Variants in ZZEF1 observed in about 807,000 individuals in gnomAD.
ZZEF1 encodes zinc finger ZZ-type and EF-hand domain-containing protein 1.
In ZZEF1, 157 loss-of-function variants were observed where a neutral mutation model predicts 342.8. That is an observed-to-expected ratio of 0.46 (90% CI 0.40 to 0.52). The LOEUF is 0.52. Among genes scored for constraint, ZZEF1 ranks in the 20% least tolerant of loss-of-function variants. ZZEF1 has a pLI of 0.00. For synonymous variants in ZZEF1, 1,505 were observed against 1,429.1 expected (o/e 1.05, Z -1.20); for missense variants, 3,480 against 3,725.6 (o/e 0.93, Z 1.72).
chr17:4,127,755 A>G (rs973803532), intron 1 of ZZEF1, among the ~76,000 whole-genome samples: 7 of 152,184 alleles, frequency 4.6e-5, no homozygotes, highest in African/African-American at 9.7e-5. Context: ...GTAAGACTCA[A>G]TCTTCCCCCA....
chr17:4,013,039 C>T (rs1422555367), intron 52 of ZZEF1, among the ~76,000 whole-genome samples: 1 of 149,022 alleles, frequency 6.7e-6, no homozygotes, highest in Non-Finnish European at 1.5e-5. Flanking sequence ...AATTGATCTA[C>T]AGTCGCACCA....
At position 4,052,117 on chromosome 17, in the gene ZZEF1, G is replaced by T; in HGVS notation, c.5454C>A (p.Gly1818=). 6.2e-7 allele frequency: 1 copy of T among 1,613,268 alleles called. No homozygotes were observed. Among genetic ancestry groups the T allele is most frequent in the South Asian group, 1.1e-5 (1 of 90,978 alleles). ...TCFLGGVKPE[G]HGDDHEMVNM... ...TGACCATTTCATGGTCGTCTCCGTG[G>T]CCCTCAGGCTTCACCCCACCTGAGG... The change falls in exon 35 of 55, where the codon GGC becomes GGA. Residue 1818 remains glycine, a synonymous_variant. Transcript: ENST00000381638.
chr17:4,060,488 G>A (rs991021297), intron 30 of ZZEF1, among the ~76,000 whole-genome samples: 8 of 152,172 alleles, frequency 5.3e-5, no homozygotes, highest in South Asian at 4.2e-4. Context: ...GACGGAGGCC[G>A]CAGTGAGCCG....
chr17:4,023,102 T>C (rs1312673068), intron 43 of ZZEF1, among the ~76,000 whole-genome samples: 1 of 152,164 alleles, frequency 6.6e-6, no homozygotes. Flanking sequence ...TCCTGCATTA[T>C]TCTAAAGCCT....
At position 4,014,640 on chromosome 17, in the gene ZZEF1, C is replaced by A; in HGVS notation, c.8146-125G>T. 1.0e-6 allele frequency: 1 copy of A among 1,002,550 alleles called. No individual in the cohort carries two copies. 62.1% of individuals were successfully genotyped at this position (1,002,550 alleles called of 1,614,324 possible). A position where few individuals can be genotyped will look rare whatever the true frequency, so the allele number is the denominator to read the frequency against. The stretch of plus-strand genomic sequence containing the variant: ...AGAATGAGTGAACCACAGCCCTGGC[C>A]TCCAGGAGTGCAGAGTCCAGCTAGG... On this transcript the variant is annotated intron_variant, in intron 49 of 54. Coordinates refer to ENST00000381638, the MANE Select transcript of ZZEF1 (RefSeq NM_015113.4). This position sits in a 1 kb window ranked among gnomAD's most constrained non-coding sequence, Gnocchi z 4.4.
chr17:4,054,107 T>C lies in ZZEF1; in HGVS notation c.5384A>G (p.Tyr1795Cys), dbSNP rs745964324. ...GCDEIAPWHR[Y>C]RCLQCSDMDL... ...CATGTCGCTGCACTGCAGACAGCGG[T>C]ATCGATGCCAGGGGGCAATCTCATC... The change falls in exon 34 of 55, where the codon TAC (tyrosine) becomes TGC (cysteine). Residue 1795 changes from tyrosine (Y) to cysteine (C), a missense_variant. This residue lies in a region of ZZEF1 where 175 missense variants were observed against 254.6 expected (regional missense o/e 0.69). Coordinates refer to ENST00000381638, the MANE Select transcript of ZZEF1 (RefSeq NM_015113.4). 1.2e-5 allele frequency: 20 copies of C among 1,613,898 alleles called. No individual in the cohort carries two copies. Among genetic ancestry groups the C allele is most frequent in the Non-Finnish European group, 1.7e-5 (20 of 1,179,908 alleles).
At chr17:4,122,785 G>A (rs371013705) in intron 2 of ZZEF1, among the ~76,000 whole-genome samples, 1 of 152,164 alleles carries the variant, frequency 6.6e-6, no homozygotes, top group East Asian at 1.9e-4. Context: ...CAATAAAGAC[G>A]CCAAAATAGG....
At chr17:4,020,669 TTC>T (rs1459875297) in intron 45 of ZZEF1, among the ~76,000 whole-genome samples, 1 of 152,234 alleles carries the variant, frequency 6.6e-6, no homozygotes, top group East Asian at 1.9e-4. Flanking sequence ...CTACGCTACA[TTC>T]TGTTTACTCT....
chr17:4,135,459 G>A (rs746018114), intron 1 of ZZEF1, among the ~76,000 whole-genome samples: 5 of 131,972 alleles, frequency 3.8e-5, no homozygotes, highest in South Asian at 2.7e-4. Context: ...GGGCAACAGA[G>A]CAAGACTCCA....
In ZZEF1 at chr17:4,024,201, T is replaced by TTG. The variant is rs1567770314; in HGVS notation, c.7092+717_7092+718insCA. ...TATTGCCCAGGTTTTTTTTTTTTTT[T>TTG]TTTTTTTTTTTTTACAGAGGGAGTC... is the stretch of plus-strand genomic sequence containing the variant. On this transcript the variant is annotated intron_variant, in intron 43 of 54. Coordinates refer to ENST00000381638, the MANE Select transcript of ZZEF1 (RefSeq NM_015113.4). 1.0e-3 allele frequency among the ~76,000 whole-genome samples: 149 copies of TTG among 142,312 alleles called. 3 individuals carry two copies. The highest frequency in any genetic ancestry group is 3.8e-3 in the African/African-American group (144 of 37,750). 93.4% of individuals were successfully genotyped at this position (142,312 alleles called of 152,430 possible).
chr17:4,121,059 A>C (rs1054920782), intron 2 of ZZEF1, among the ~76,000 whole-genome samples: 12 of 152,194 alleles, frequency 7.9e-5, no homozygotes, highest in African/African-American at 2.7e-4. Context: ...TGCTGATGAA[A>C]AGTTTTGAGT....
chr17:4,112,562 T>C (rs1418318387), intron 5 of ZZEF1, 47 bp downstream of exon 5: 3 of 1,595,564 alleles, frequency 1.9e-6, no homozygotes, highest in African/African-American at 1.3e-5. Flanking sequence ...AAGTAAAAAA[T>C]ACTACTCCCT....
intron 52 of ZZEF1, among the ~76,000 whole-genome samples, chr17:4,010,764 G>A (rs186805503): frequency 2.9e-4 from 42 of 145,268 alleles, no homozygotes; most frequent in African/African-American, 8.1e-4. Context: ...AAAGCAAGAT[G>A]TAAAACTACA....
At chr17:4,083,144 C>T (rs1015284675) in intron 16 of ZZEF1, among the ~76,000 whole-genome samples, 2 of 152,212 alleles carry the variant, frequency 1.3e-5, no homozygotes, top group South Asian at 2.1e-4. Context: ...GTATGGTATC[C>T]GAAGATACTG....
At chr17:4,072,859 A>C in intron 24 of ZZEF1, 103 bp from the exon 25 acceptor site, 1 of 1,229,368 alleles carries the variant, frequency 8.1e-7, no homozygotes, top group Non-Finnish European at 1.1e-6. Context: ...GGATACTATT[A>C]AAACTTAGAG....
intron 52 of ZZEF1, among the ~76,000 whole-genome samples, chr17:4,010,724 C>A (rs201434586): frequency 5.9e-3 from 504 of 85,202 alleles, no homozygotes; most frequent in East Asian, 7.9e-3. Context: ...GATTCCGTCT[C>A]AAAAAAAAAA....
chr17:4,096,559 T>C lies in ZZEF1; in HGVS notation c.1764+50A>G, dbSNP rs759247489. 32 of 1,538,274 alleles carry C rather than the reference T, an allele frequency of 2.1e-5. No homozygotes were observed. In the East Asian group the frequency reaches 5.9e-4, roughly 28 times the overall value. On this transcript the variant is annotated intron_variant, in intron 10 of 54. Transcript: ENST00000381638. ...TATACCTACTATGTACCCATAAAAA[T>C]TGAAAACAAAAGTAGTAACATTGCT... is the stretch of plus-strand genomic sequence containing the variant.
chr17:4,116,678 C>T lies in ZZEF1; in HGVS notation c.694+294G>A, dbSNP rs78634652. 8.0e-3 allele frequency among the ~76,000 whole-genome samples: 1,222 copies of T among 152,286 alleles called. 14 individuals are homozygous for T. Among genetic ancestry groups the T allele is most frequent in the African/African-American group, 0.028 (1,165 of 41,562 alleles). On this transcript the variant is annotated intron_variant, in intron 3 of 54. Coordinates refer to ENST00000381638, the MANE Select transcript of ZZEF1 (RefSeq NM_015113.4). ...TTCAGATAACAATAAGCGCGATTTC[C>T]ACCATTAAACCTGCAAAGGTGACCC...
intron 42 of ZZEF1, among the ~76,000 whole-genome samples, chr17:4,028,239 AT>A (rs906618292): frequency 2.6e-5 from 4 of 152,102 alleles, no homozygotes; most frequent in African/African-American, 9.7e-5. Context: ...AATACATTAC[AT>A]TTTTTTGCTT....
Sources: gnomAD v4.1 joint callset for allele counts (sites outside exome capture counted in the v4.1 genomes callset) on GRCh38, gnomAD v4.1.1 for gene constraint, gnomAD v4.1.1 regional missense constraint, Gnocchi (gnomAD v3.1) non-coding constraint, MANE v1.5 for transcripts, NCBI Gene and HGNC (gene_info 2026-07-23, HGNC 2026-07-21) for gene names.